The following DNAJB6 variants were observed in gnomAD, a reference collection of about 807,000 sequenced individuals.
DNAJB6 encodes dnaJ homolog subfamily B member 6.
Under a neutral mutation model 42.7 loss-of-function variants are expected in DNAJB6, and 16 were observed. The observed-to-expected ratio is 0.37, with a 90% CI of 0.25 to 0.57. DNAJB6 has a LOEUF of 0.57. DNAJB6 is among the 20% of genes least tolerant of loss of function. The probability of loss-of-function intolerance (pLI) is 0.74; values close to 1 mark genes in which losing one functional copy is unlikely to be tolerated. For synonymous variants in DNAJB6, 170 were observed against 163.5 expected (o/e 1.04, Z -0.30); for missense variants, 347 against 416.8 (o/e 0.83, Z 1.46).
intron 2 of DNAJB6, among the ~76,000 whole-genome samples, chr7:157,360,951 T>A (rs1279809568): frequency 6.6e-6 from 1 of 152,218 alleles, no homozygotes; most frequent in African/African-American, 2.4e-5. Flanking sequence ...TATTACACCT[T>A]GATTTTTAAA....
intron 1 of DNAJB6, among the ~76,000 whole-genome samples, chr7:157,348,447 TC>T (rs1296841222): frequency 6.6e-6 from 1 of 152,170 alleles, no homozygotes; most frequent in Non-Finnish European, 1.5e-5. Context: ...TCTGCACCAG[TC>T]CTAGCGTTTG....
intron 8 of DNAJB6, chr7:157,386,029 T>A: frequency 7.1e-6 from 7 of 991,364 alleles, no homozygotes; most frequent in Non-Finnish European, 8.4e-6. Context: ...AAGTTAACAT[T>A]GCCAGGACGA....
rs767609381 is a variant in DNAJB6 at position 157,385,525 on chromosome 7, A to T, written c.621-16A>T. 1.3e-5 allele frequency: 21 copies of T among 1,609,258 alleles called. No homozygotes were observed. The African/African-American group carries it at 2.3e-4, about 17-fold the overall frequency. ...TCTTTACCAGAAAGGTTTTTAAATG[A>T]ATTTTTTTCCTACAGAATTGTCGAG... On this transcript the variant is annotated splice_polypyrimidine_tract_variant and intron_variant, in intron 7 of 9. Transcript: ENST00000262177.
chr7:157,395,946 A>AGT (rs1563145189), intron 8 of DNAJB6, among the ~76,000 whole-genome samples: 3 of 38,210 alleles, frequency 7.9e-5, no homozygotes, highest in Admixed American at 2.2e-4. Context: ...TTGAGCCTGT[A>AGT]ATTTTTTTTT....
intron 3 of DNAJB6, 134 bp downstream of exon 3, chr7:157,363,404 T>G: frequency 3.6e-6 from 2 of 555,224 alleles, no homozygotes; most frequent in East Asian, 6.1e-5. Flanking sequence ...TTTTGGGCCC[T>G]TCTAAGAGAT....
At chr7:157,369,892 C>CAT (rs1563128490) in intron 5 of DNAJB6, among the ~76,000 whole-genome samples, 403 of 100,438 alleles carry the variant, frequency 4.0e-3, no homozygotes, top group Middle Eastern at 7.0e-3. Context: ...GGCCCCTTCT[C>CAT]AACATTATTA....
rs1185402044 is a variant in DNAJB6, at chr7:157,416,062, G to A, written c.945G>A (p.Glu315=). The change falls in exon 10 of 10, where the codon GAG becomes GAA. Residue 315 remains glutamate (E), a synonymous_variant. Coordinates refer to ENST00000262177, the MANE Select transcript of DNAJB6 (RefSeq NM_058246.4). ...GKRKKQKQRE[E]SKKKKSTKGN... is the part of the protein sequence containing the mutation. ...GGAAGAAGCAGAAGCAGAGAGAGGA[G>A]TCGAAGAAGAAGAAGTCGACCAAAG... 3 of 1,614,186 alleles carry A rather than the reference G, an allele frequency of 1.9e-6. No homozygotes were observed. Among genetic ancestry groups the A allele is most frequent in the South Asian group, 2.2e-5 (2 of 91,084 alleles).
intron 8 of DNAJB6, among the ~76,000 whole-genome samples, chr7:157,390,251 G>A (rs1801274123): frequency 6.6e-6 from 1 of 152,236 alleles, no homozygotes; most frequent in Non-Finnish European, 1.5e-5. Context: ...GCCTGCTGTT[G>A]GAGGCTTGCC....
chr7:157,389,443 G>A (rs73505215), intron 8 of DNAJB6, among the ~76,000 whole-genome samples: 3,452 of 152,294 alleles, frequency 0.023, 152 homozygotes, highest in East Asian at 0.18. Context: ...ACAAAATTAT[G>A]TTTAGTTGAT....
intron 2 of DNAJB6, among the ~76,000 whole-genome samples, chr7:157,360,264 A>C (rs1183925575): frequency 6.6e-6 from 1 of 152,224 alleles, no homozygotes; most frequent in Non-Finnish European, 1.5e-5. Context: ...GCAAAAGCGG[A>C]AACCCCTTAT....
intron 4 of DNAJB6, 30 bp downstream of exon 4, chr7:157,366,591 A>T: frequency 6.2e-7 from 1 of 1,602,420 alleles, no homozygotes; most frequent in Non-Finnish European, 8.5e-7. Context: ...CTTTGAAGAC[A>T]AAAGGTCTTG....
At chr7:157,384,646 C>G (rs758546424) in intron 6 of DNAJB6, among the ~76,000 whole-genome samples, 2 of 152,230 alleles carry the variant, frequency 1.3e-5, no homozygotes, top group Non-Finnish European at 2.9e-5. Context: ...AGAGGCTGCA[C>G]TCTCGCGTTG....
intron 8 of DNAJB6, among the ~76,000 whole-genome samples, chr7:157,397,838 AAGT>A (rs1801668083): frequency 1.3e-5 from 2 of 152,238 alleles, no homozygotes; most frequent in Non-Finnish European, 2.9e-5. Flanking sequence ...TGGCAAAAGC[AAGT>A]CACTGTCCTG....
At chr7:157,384,435 C>T (rs959801849) in intron 6 of DNAJB6, among the ~76,000 whole-genome samples, 2 of 152,102 alleles carry the variant, frequency 1.3e-5, no homozygotes, top group Non-Finnish European at 2.9e-5. Flanking sequence ...GTTTACAAGC[C>T]ACGCCAAAGC....
intron 8 of DNAJB6, among the ~76,000 whole-genome samples, chr7:157,398,474 G>T (rs542987334): frequency 3.3e-5 from 5 of 152,192 alleles, no homozygotes; most frequent in Non-Finnish European, 5.9e-5. Context: ...GTTTTCATCT[G>T]CGTGTTATCA....
chr7:157,386,679 T>G (rs1801077100), intron 8 of DNAJB6, among the ~76,000 whole-genome samples: 1 of 152,110 alleles, frequency 6.6e-6, no homozygotes, highest in Non-Finnish European at 1.5e-5. Context: ...GGTCAGGAGT[T>G]TGAGACCAGC....
intron 8 of DNAJB6, among the ~76,000 whole-genome samples, chr7:157,391,219 C>G (rs1367789039): frequency 6.6e-6 from 1 of 152,210 alleles, no homozygotes; most frequent in Non-Finnish European, 1.5e-5. Flanking sequence ...CATCAGGGAA[C>G]TGTGGAGTTT....
intron 2 of DNAJB6, among the ~76,000 whole-genome samples, chr7:157,361,027 A>G (rs1799557891): frequency 1.3e-5 from 2 of 152,106 alleles, no homozygotes; most frequent in Non-Finnish European, 2.9e-5. Context: ...ATCCATTGCC[A>G]AGTTTTCATA....
intron 1 of DNAJB6, among the ~76,000 whole-genome samples, chr7:157,349,852 A>G (rs1421714628): frequency 2.0e-5 from 3 of 152,172 alleles, no homozygotes; most frequent in Admixed American, 6.5e-5. Context: ...CATGTCAGCC[A>G]GGCTGGTCTC....
Sources: allele counts gnomAD v4.1 joint callset (sites outside exome capture counted in the v4.1 genomes callset), GRCh38; gene constraint gnomAD v4.1.1; transcripts MANE v1.5; gene names NCBI Gene and HGNC (gene_info 2026-07-23, HGNC 2026-07-21).